Variants in DRC11 observed in about 807,000 individuals in gnomAD.
DRC11 encodes the protein dynein regulatory complex subunit 11, also known as IQ and AAA domain-containing protein 1.
the DRC11 span, among the ~76,000 whole-genome samples, chr2:236,396,317 C>A: frequency 1.4e-5 from 2 of 143,994 alleles, no homozygotes; most frequent in African/African-American, 5.1e-5. Context: ...GGGGGTTAAT[C>A]TTAGTGATTA....
chr2:236,324,568 T>G, the DRC11 span: 1 of 644,098 alleles, frequency 1.6e-6, no homozygotes, highest in Admixed American at 2.5e-5. This position sits in a 1 kb window ranked among gnomAD's most constrained non-coding sequence, Gnocchi z 5.7. Flanking sequence ...GAGGGCTTCT[T>G]CAGGCGGGCA....
At chr2:236,357,346 ATT>A in the DRC11 span, among the ~76,000 whole-genome samples, 13,141 of 119,540 alleles carry the variant, frequency 0.11, 1,374 homozygotes, top group African/African-American at 0.28. Flanking sequence ...GAATATATAT[ATT>A]ATATGTATAT....
the DRC11 span, among the ~76,000 whole-genome samples, chr2:236,357,415 TATAA>T: frequency 7.2e-5 from 9 of 125,758 alleles, no homozygotes; most frequent in African/African-American, 1.6e-4. Context: ...ATATTTATAT[TATAA>T]ATAATTTACA....
chr2:236,459,133 C>T, the DRC11 span, among the ~76,000 whole-genome samples: 1 of 152,054 alleles, frequency 6.6e-6, no homozygotes, highest in South Asian at 2.1e-4. Flanking sequence ...TATATAACTA[C>T]ATTTTAGAGA....
the DRC11 span, among the ~76,000 whole-genome samples, chr2:236,363,424 G>T: frequency 2.0e-5 from 3 of 152,198 alleles, no homozygotes; most frequent in Non-Finnish European, 4.4e-5. This position sits in a 1 kb window ranked among gnomAD's most constrained non-coding sequence, Gnocchi z 5.6. Flanking sequence ...CATGTCATGT[G>T]AGGAAGAATC....
the DRC11 span, chr2:236,331,218 T>A: frequency 1.5e-6 from 1 of 651,574 alleles, no homozygotes; most frequent in Non-Finnish European, 2.7e-6. This position sits in a 1 kb window ranked among gnomAD's most constrained non-coding sequence, Gnocchi z 4.8. Flanking sequence ...CCCCAAAGAT[T>A]TTGTCATCCA....
At chr2:236,340,251 A>G in the DRC11 span, among the ~76,000 whole-genome samples, 1 of 152,194 alleles carries the variant, frequency 6.6e-6, no homozygotes, top group Non-Finnish European at 1.5e-5. Context: ...GTGCCTCCTG[A>G]GTAGCTGGGA....
chr2:236,412,396 C>A, the DRC11 span, among the ~76,000 whole-genome samples: 1 of 152,192 alleles, frequency 6.6e-6, no homozygotes, highest in African/African-American at 2.4e-5. Context: ...GATTCTCCAG[C>A]CTCCATTCAC....
At chr2:236,428,551 AC>A in the DRC11 span, among the ~76,000 whole-genome samples, 1 of 151,994 alleles carries the variant, frequency 6.6e-6, no homozygotes, top group Non-Finnish European at 1.5e-5. Flanking sequence ...GATTATAGTT[AC>A]CCCTGCTTTC....
At chr2:236,506,973 G>C in the DRC11 span, among the ~76,000 whole-genome samples, 1 of 152,322 alleles carries the variant, frequency 6.6e-6, no homozygotes, top group East Asian at 1.9e-4. This position sits in a 1 kb window ranked among gnomAD's most constrained non-coding sequence, Gnocchi z 4.9. Flanking sequence ...GCCCCTAAGG[G>C]CTTGGCAGGT....
At chr2:236,482,290 TACATACTGTAAG>T in the DRC11 span, among the ~76,000 whole-genome samples, 1 of 152,138 alleles carries the variant, frequency 6.6e-6, no homozygotes, top group African/African-American at 2.4e-5. This position sits in a 1 kb window ranked among gnomAD's most constrained non-coding sequence, Gnocchi z 4.5. Context: ...TTTAACTAGA[TACATACTGTAAG>T]AATACTAAAA....
chr2:236,395,817 G>C, the DRC11 span, among the ~76,000 whole-genome samples: 2 of 152,046 alleles, frequency 1.3e-5, no homozygotes, highest in African/African-American at 4.8e-5. Flanking sequence ...GTTACATCAG[G>C]GCATTTTAAA....
chr2:236,477,458 A>C, the DRC11 span, among the ~76,000 whole-genome samples: 1 of 152,184 alleles, frequency 6.6e-6, no homozygotes, highest in Admixed American at 6.6e-5. Context: ...AAGGAGAAGG[A>C]GAAAGAGGAG....
At chr2:236,459,576 C>CGTGCGTAT in the DRC11 span, among the ~76,000 whole-genome samples, 2 of 126,238 alleles carry the variant, frequency 1.6e-5, no homozygotes, top group African/African-American at 5.7e-5. Context: ...TATGTGTATA[C>CGTGCGTAT]ATACGTATAT....
At chr2:236,350,290 A>C in the DRC11 span, among the ~76,000 whole-genome samples, 2 of 152,144 alleles carry the variant, frequency 1.3e-5, no homozygotes, top group African/African-American at 4.8e-5. This position sits in a 1 kb window ranked among gnomAD's most constrained non-coding sequence, Gnocchi z 5.2. Flanking sequence ...CTGAATTTTT[A>C]ACACACACCT....
At chr2:236,457,984 TC>T in the DRC11 span, among the ~76,000 whole-genome samples, 1 of 152,238 alleles carries the variant, frequency 6.6e-6, no homozygotes, top group Non-Finnish European at 1.5e-5. This position sits in a 1 kb window ranked among gnomAD's most constrained non-coding sequence, Gnocchi z 4.7. Context: ...CACTTCAAAT[TC>T]CTGGTATAGA....
At chr2:236,357,089 T>TATATATTCGTATATTATATATCTATATA in the DRC11 span, among the ~76,000 whole-genome samples, 51 of 56,976 alleles carry the variant, frequency 9.0e-4, no homozygotes, top group African/African-American at 3.1e-3. Flanking sequence ...ATCTATATAT[T>TATATATTCGTATATTATATATCTATATA]TTATATATTC....
the DRC11 span, chr2:236,343,769 A>G: frequency 3.1e-6 from 4 of 1,302,236 alleles, no homozygotes; most frequent in Non-Finnish European, 4.1e-6. The surrounding 1 kb of genome is among the most constrained non-coding windows in gnomAD (Gnocchi z 6.6). Flanking sequence ...GTGAACTACA[A>G]GAGTCCCAGA....
At chr2:236,379,864 C>T in the DRC11 span, among the ~76,000 whole-genome samples, 1 of 150,476 alleles carries the variant, frequency 6.6e-6, no homozygotes. Context: ...GGGAGGGAAC[C>T]CCCAAACAGG....
Sources: allele counts gnomAD v4.1 joint callset (sites outside exome capture counted in the v4.1 genomes callset), GRCh38; gene constraint gnomAD v4.1.1; non-coding constraint Gnocchi (gnomAD v3.1); transcripts MANE v1.5; gene names NCBI Gene and HGNC (gene_info 2026-07-23, HGNC 2026-07-21).